The following ORMDL3 variants were observed in gnomAD, a reference collection of about 807,000 sequenced individuals.
ORMDL3 encodes the protein ORM1-like protein 3.
In ORMDL3, 6 loss-of-function variants were observed where a neutral mutation model predicts 12.6. The ratio of observed to expected loss-of-function variants is 0.48; its 90% CI spans 0.26 to 0.94. The LOEUF (loss-of-function observed/expected upper bound fraction) is 0.94. Ranked by LOEUF, ORMDL3 falls within the 40% of genes least tolerant of loss-of-function variation. The pLI is 0.14. For synonymous variants in ORMDL3, 99 were observed against 87.2 expected (o/e 1.14, Z -0.75); for missense variants, 159 against 205.5 (o/e 0.77, Z 1.38).
chr17:39,926,923 C>T (rs572222206), intron 1 of ORMDL3: 6 of 985,882 alleles, frequency 6.1e-6, no homozygotes, highest in South Asian at 4.7e-5. Context: ...CGCCCACCCC[C>T]CAAGCTGCAG....
At chr17:39,923,287 A>C (rs751532645) in intron 2 of ORMDL3, 24 bp from the exon 3 acceptor site, 1 of 1,612,842 alleles carries the variant, frequency 6.2e-7, no homozygotes, top group South Asian at 1.1e-5. Flanking sequence ...TCTTTGTTAG[A>C]GGATACAAAA....
chr17:39,922,737 T>TC, intron 3 of ORMDL3, 52 bp from the exon 4 acceptor site: 1 of 1,581,866 alleles, frequency 6.3e-7, no homozygotes, highest in Non-Finnish European at 8.6e-7. Context: ...GAGGACCCCT[T>TC]CCTCCCTCAC....
chr17:39,923,993 G>A (rs1978319534), intron 2 of ORMDL3, 37 bp downstream of exon 2: 1 of 1,551,200 alleles, frequency 6.4e-7, no homozygotes, highest in South Asian at 1.2e-5. Flanking sequence ...CACAGGGCAG[G>A]GGCAGGGGCA....
chr17:39,922,979 C>G, intron 3 of ORMDL3, 133 bp downstream of exon 3: 1 of 1,257,268 alleles, frequency 8.0e-7, no homozygotes. Context: ...AGTGTAAGAC[C>G]CAGGAATATT....
chr17:39,922,806 G>T (rs1978306817), intron 3 of ORMDL3, 121 bp from the exon 4 acceptor site: 1 of 1,300,952 alleles, frequency 7.7e-7, no homozygotes, highest in Non-Finnish European at 1.0e-6. Context: ...GAGGTTCCCA[G>T]ACCAGCGTAA....
At chr17:39,922,835 C>G in intron 3 of ORMDL3, 150 bp from the exon 4 acceptor site, 2 of 1,139,592 alleles carry the variant, frequency 1.8e-6, no homozygotes, top group Non-Finnish European at 2.4e-6. Flanking sequence ...AGCTCTCAGG[C>G]TAAAGGGGCC....
At chr17:39,924,607 A>G (rs960842248) in intron 1 of ORMDL3, 3 of 191,824 alleles carry the variant, frequency 1.6e-5, no homozygotes, top group African/African-American at 2.3e-5. Context: ...ATTCTCACTC[A>G]GCACAACCCC....
rs752570109 is a variant in ORMDL3 at position 39,923,153 on chromosome 17, G to A, written c.285C>T (p.Phe95=). The A allele has an allele frequency of 1.2e-6, 2 of 1,614,218 alleles. No individual in the cohort carries two copies. The highest frequency in any genetic ancestry group is 4.5e-5 in the East Asian group (2 of 44,880). Residue 95 remains phenylalanine (F), a synonymous_variant, in exon 3 of 4, where the codon TTC becomes TTT. Coordinates refer to ENST00000304046, the MANE Select transcript of ORMDL3 (RefSeq NM_139280.4). ...TGGTCAAGAACTTCCGAGAGGCCGT[G>A]AACTGGACCCCATAATCCATCTGCT... ...HWEQMDYGVQ[F]TASRKFLTIT... is the part of the protein sequence containing the mutation.
intron 1 of ORMDL3, chr17:39,926,148 C>T (rs1333484321): frequency 6.6e-6 from 1 of 152,162 alleles, no homozygotes; most frequent in East Asian, 1.9e-4. Flanking sequence ...AGTATTTGTC[C>T]AGGAGTGCCA....
chr17:39,924,462 C>A (rs1978325874), intron 1 of ORMDL3, among the ~76,000 whole-genome samples: 1 of 152,170 alleles, frequency 6.6e-6, no homozygotes, highest in Non-Finnish European at 1.5e-5. Flanking sequence ...TGGGACAGGG[C>A]CCTGGCAGGG....
chr17:39,924,899 G>A (rs1218190775), intron 1 of ORMDL3: 2 of 152,214 alleles, frequency 1.3e-5, no homozygotes, highest in Non-Finnish European at 2.9e-5. Context: ...AGACCTAGAA[G>A]GCACCCCTCC....
At chr17:39,926,558 TG>T (rs1246712075) in intron 1 of ORMDL3, 1 of 156,790 alleles carries the variant, frequency 6.4e-6, no homozygotes, top group Non-Finnish European at 1.4e-5. Context: ...GGCAGGTGGC[TG>T]CTTAGTGCTG....
At position 39,927,531 on chromosome 17, in the gene ORMDL3, G is replaced by C. The variant is rs1978504370; in HGVS notation, c.-70C>G. On this transcript the variant is annotated 5_prime_UTR_variant, in exon 1 of 4. Transcript: ENST00000304046. ...GCCCGGGAACGGTTCCCGGGAGCGG[G>C]GGCCGCTGCTGCTCCAGCAGCTGTA... is the stretch of plus-strand genomic sequence containing the variant. The C allele has an allele frequency of 1.0e-6, 1 of 985,456 alleles. No homozygotes were observed. Among genetic ancestry groups the C allele is most frequent in the South Asian group, 4.7e-5 (1 of 21,298 alleles). 61.0% of individuals were successfully genotyped at this position (985,456 alleles called of 1,614,324 possible).
chr17:39,923,029 A>T (rs1042252796), intron 3 of ORMDL3, 83 bp downstream of exon 3: 80 of 1,538,892 alleles, frequency 5.2e-5, no homozygotes, highest in Non-Finnish European at 7.1e-5. Flanking sequence ...GAGCCACGGC[A>T]GGGTTAATAA....
intron 3 of ORMDL3, 139 bp from the exon 4 acceptor site, chr17:39,922,824 G>A (rs1978307012): frequency 8.3e-7 from 1 of 1,199,918 alleles, no homozygotes; most frequent in South Asian, 1.6e-5. Context: ...TAAGAAGCAA[G>A]AGCTCTCAGG....
chr17:39,924,139 A>T lies in ORMDL3; in HGVS notation c.65T>A (p.Ile22Asn). The T allele has an allele frequency of 1.9e-6, 3 of 1,614,128 alleles. No individual in the cohort carries two copies. The highest frequency in any genetic ancestry group is 2.5e-6 in the Non-Finnish European group (3 of 1,179,978). The change falls in exon 2 of 4, where the codon ATC (isoleucine) becomes AAC (asparagine). Residue 22 changes from isoleucine to asparagine, a missense_variant. By Grantham distance (149) the Ile-to-Asn change is moderately radical. Coordinates refer to ENST00000304046, the MANE Select transcript of ORMDL3 (RefSeq NM_139280.4). ...PNTRVMNSRG[I>N]WLSYVLAIGL... ...GATGGCCAGCACGTAGGAGAGCCAG[A>T]TGCCACGGCTGTTCATCACCCGCGT...
intron 1 of ORMDL3, chr17:39,926,193 T>C (rs560105223): frequency 5.3e-5 from 8 of 152,344 alleles, no homozygotes; most frequent in African/African-American, 1.9e-4. Context: ...CAGGACCCCA[T>C]ACGCCTTTCT....
intron 1 of ORMDL3, 180 bp downstream of exon 1, chr17:39,927,304 G>A (rs1161322492): frequency 1.3e-5 from 3 of 226,390 alleles, no homozygotes; most frequent in African/African-American, 6.0e-5. Context: ...CCGGCCTCCC[G>A]CTCGCACTTT....
At position 39,921,785 on chromosome 17, in the gene ORMDL3, TC is replaced by T. The variant is rs1258469519; in HGVS notation, c.*764del. The T allele has an allele frequency of 6.6e-6, 1 of 150,726 alleles. No individual in the cohort carries two copies. The highest frequency in any genetic ancestry group is 1.5e-5 in the Non-Finnish European group (1 of 67,706). The allele number at this position is 150,726 out of a possible 1,614,324, so 9.3% of individuals were successfully genotyped here. A position where few individuals can be genotyped will look rare whatever the true frequency, so the allele number is the denominator to read the frequency against. Reference sequence around the variant, plus strand: ...TGGGTCTAGCTTCTGTCCCTACCCCTCCCTCCCTTACACCAGTCCTCTGCTG... The same window carrying T: ...TGGGTCTAGCTTCTGTCCCTACCCCTCCTCCCTTACACCAGTCCTCTGCTG... On this transcript the variant is annotated 3_prime_UTR_variant, in exon 4 of 4. Transcript: ENST00000304046.
Sources: allele counts gnomAD v4.1 joint callset (sites outside exome capture counted in the v4.1 genomes callset), GRCh38; gene constraint gnomAD v4.1.1; transcripts MANE v1.5; gene names NCBI Gene and HGNC (gene_info 2026-07-23, HGNC 2026-07-21).